Variants in ZCCHC2 observed in about 807,000 individuals in gnomAD.
ZCCHC2 encodes the protein zinc finger CCHC-type containing 2, also known as zinc finger CCHC domain-containing protein 2.
Under a neutral mutation model 103.6 loss-of-function variants are expected in ZCCHC2, and 39 were observed. That is an observed-to-expected ratio of 0.38 (90% CI 0.29 to 0.49). The LOEUF is 0.49. Among genes scored for constraint, ZCCHC2 ranks in the 20% least tolerant of loss-of-function variants. The pLI, the probability that ZCCHC2 is intolerant of heterozygous loss-of-function variation, is 0.96. For synonymous variants in ZCCHC2, 687 were observed against 608.9 expected (o/e 1.13, Z -1.89); for missense variants, 1,483 against 1,491.0 (o/e 0.99, Z 0.09).
At chr18:62,546,770 A>G (rs1401031123) in intron 4 of ZCCHC2, among the ~76,000 whole-genome samples, 5 of 152,128 alleles carry the variant, frequency 3.3e-5, no homozygotes, top group African/African-American at 1.2e-4. Flanking sequence ...TCAGTCGCCC[A>G]TTTTTTCGAA....
chr18:62,552,424 A>C (rs1426885318), intron 5 of ZCCHC2: 1 of 152,242 alleles, frequency 6.6e-6, no homozygotes, highest in Non-Finnish European at 1.5e-5. Flanking sequence ...TATTGATTGT[A>C]GGAGAACATA....
chr18:62,556,446 C>T (rs1915888103), intron 6 of ZCCHC2, 149 bp downstream of exon 6: 1 of 642,498 alleles, frequency 1.6e-6, no homozygotes. Context: ...AGTTTTTACA[C>T]TGCAGTTTTA....
downstream of ZCCHC2, chr18:62,581,933 T>C: frequency 1.3e-5 from 2 of 159,706 alleles, no homozygotes; most frequent in South Asian, 1.5e-4. Flanking sequence ...TCTTTGCATC[T>C]AGAAAGAGCC....
At chr18:62,567,955 A>AAAAAAAAAAAAAAAAAAAG (rs1568555841) in intron 11 of ZCCHC2, among the ~76,000 whole-genome samples, 1 of 150,056 alleles carries the variant, frequency 6.7e-6, no homozygotes, top group African/African-American at 2.5e-5. Context: ...AAAAAAAAAA[A>AAAAAAAAAAAAAAAAAAAG]AAAAGAATGC....
Position 62,563,281 on chromosome 18 carries a change from ACTT to A in ZCCHC2, c.1686+138_1686+140del, listed in dbSNP as rs1239421871. On this transcript the variant is annotated intron_variant, in intron 9 of 13. Coordinates refer to ENST00000269499, the MANE Select transcript of ZCCHC2 (RefSeq NM_017742.6). ...GGAATGTTTAAGTTTTAGACTTTAT[ACTT>A]ATATATGATCTAAGCTCTTCTGAGA... The A allele has an allele frequency of 2.9e-6, 3 of 1,037,792 alleles. No individual in the cohort carries two copies. The African/African-American group carries it at 4.8e-5, about 17-fold the overall frequency. 64.3% of individuals were successfully genotyped at this position (1,037,792 alleles called of 1,614,324 possible).
chr18:62,563,477 T>C (rs1916215223), intron 9 of ZCCHC2, among the ~76,000 whole-genome samples: 4 of 152,108 alleles, frequency 2.6e-5, no homozygotes, highest in Admixed American at 2.6e-4. Context: ...GGCAACATAC[T>C]GAAACCCTGT....
Position 62,556,189 on chromosome 18 carries a change from C to T in ZCCHC2, c.1314-14C>T. Reference sequence around the variant, plus strand: ...TACCTGAAATTAACAAATCTCTTTTCTTTTTATGTGCAGGCAGCTATTTTC... The same window carrying T: ...TACCTGAAATTAACAAATCTCTTTTTTTTTTATGTGCAGGCAGCTATTTTC... On this transcript the variant is annotated splice_polypyrimidine_tract_variant and intron_variant, in intron 5 of 13. Transcript: ENST00000269499. 1 of 1,575,142 alleles carries T rather than the reference C, an allele frequency of 6.3e-7. No homozygotes were observed. Among genetic ancestry groups the T allele is most frequent in the Non-Finnish European group, 8.6e-7 (1 of 1,158,740 alleles).
rs191057925 is a variant in ZCCHC2 at position 62,563,392 on chromosome 18, G to A, written c.1686+248G>A. On this transcript the variant is annotated intron_variant, in intron 9 of 13. Transcript: ENST00000269499. ...TATGACACCTTCCCAGGCGCCATGG[G>A]TCACGCTTCTAATCCCAGCACTTTG... Among the ~76,000 whole-genome samples, 452 of 152,248 alleles carry A rather than the reference G, an allele frequency of 3.0e-3. 1 individual carries two copies. The highest frequency in any genetic ancestry group is 6.8e-3 in the Middle Eastern group (2 of 294).
chr18:62,572,304 G>A (rs562984228), intron 12 of ZCCHC2, among the ~76,000 whole-genome samples: 1 of 152,314 alleles, frequency 6.6e-6, no homozygotes, highest in South Asian at 2.1e-4. Context: ...TCTAGGATAA[G>A]CAGGTGACTC....
intron 11 of ZCCHC2, among the ~76,000 whole-genome samples, chr18:62,566,176 CA>C (rs1916357665): frequency 6.6e-6 from 1 of 152,150 alleles, no homozygotes; most frequent in African/African-American, 2.4e-5. Context: ...ACCCGGGAGG[CA>C]GAGGTTGCAA....
intron 1 of ZCCHC2, among the ~76,000 whole-genome samples, chr18:62,538,722 C>T (rs1448836598): frequency 6.6e-6 from 1 of 152,072 alleles, no homozygotes; most frequent in Non-Finnish European, 1.5e-5. Flanking sequence ...ATAAACAGAG[C>T]AATTCATACT....
intron 1 of ZCCHC2, among the ~76,000 whole-genome samples, chr18:62,531,071 T>A (rs1167576417): frequency 6.6e-6 from 1 of 152,062 alleles, no homozygotes; most frequent in Non-Finnish European, 1.5e-5. Flanking sequence ...TTTTTTTTTT[T>A]AAAGGGAAGC....
At position 62,524,365 on chromosome 18, in the gene ZCCHC2, T is replaced by C. The variant is rs1426397399; in HGVS notation, c.939+2T>C. The stretch of plus-strand genomic sequence containing the variant: ...AAGTTTGCCGGCCCCAGGGCCCAGG[T>C]AAGGCGCACGGAGCCTCCCTGGACT... On this transcript the variant is annotated splice_donor_variant, in intron 1 of 13. Transcript: ENST00000269499. LOFTEE classifies it high-confidence loss of function. 1 of 1,508,570 alleles carries C rather than the reference T, an allele frequency of 6.6e-7. No homozygotes were observed. The highest frequency in any genetic ancestry group is 2.2e-5 in the Admixed American group (1 of 46,100). The allele number at this position is 1,508,570 out of a possible 1,614,324, so 93.4% of individuals were successfully genotyped here. A position where few individuals can be genotyped will look rare whatever the true frequency, so the allele number is the denominator to read the frequency against.
chr18:62,524,574 C>A, intron 1 of ZCCHC2: 2 of 663,050 alleles, frequency 3.0e-6, no homozygotes, highest in Non-Finnish European at 2.3e-6. Flanking sequence ...CCCCGGCAGA[C>A]ACAGCCACCC....
At chr18:62,563,381 A>G (rs1916209460) in intron 9 of ZCCHC2, among the ~76,000 whole-genome samples, 1 of 152,164 alleles carries the variant, frequency 6.6e-6, no homozygotes, top group African/African-American at 2.4e-5. Context: ...ACACCTTCCC[A>G]GGCGCCATGG....
At chr18:62,549,769 A>G (rs961185424) in intron 4 of ZCCHC2, among the ~76,000 whole-genome samples, 3 of 152,222 alleles carry the variant, frequency 2.0e-5, no homozygotes. Flanking sequence ...CCTCAATCAC[A>G]TGAGGCACCT....
chr18:62,524,143 G>A lies in ZCCHC2; in HGVS notation c.719G>A (p.Gly240Asp), dbSNP rs921616777. ...DAEKDGSGPE[G>D]GIVEPRVGGG... is the part of the protein sequence containing the mutation. Reference sequence around the variant, plus strand: ...GAGAAGGACGGCTCAGGCCCGGAAGGCGGCATTGTGGAGCCCCGGGTCGGC... The same window carrying A: ...GAGAAGGACGGCTCAGGCCCGGAAGACGGCATTGTGGAGCCCCGGGTCGGC... Residue 240 changes from glycine to aspartate, a missense_variant, in exon 1 of 14, where the codon GGC (glycine) becomes GAC (aspartate). Transcript: ENST00000269499. 2 of 1,543,714 alleles carry A rather than the reference G, an allele frequency of 1.3e-6. No homozygotes were observed. Among genetic ancestry groups the A allele is most frequent in the African/African-American group, 2.8e-5 (2 of 72,300 alleles).
intron 1 of ZCCHC2, 188 bp downstream of exon 1, chr18:62,524,551 A>T (rs986761683): frequency 1.3e-6 from 1 of 796,834 alleles, no homozygotes; most frequent in East Asian, 3.4e-5. Flanking sequence ...CCACTCCCCC[A>T]CCCCACCCCA....
Position 62,574,944 on chromosome 18 carries a change from G to C in ZCCHC2, c.2863G>C (p.Ala955Pro). The C allele has an allele frequency of 6.2e-7, 1 of 1,613,834 alleles. No individual in the cohort carries two copies. Among genetic ancestry groups the C allele is most frequent in the Non-Finnish European group, 8.5e-7 (1 of 1,179,888 alleles). ...GAGCGCAGGTATCAGCCAGGCCCAG[G>C]CAACTGTTCCTCCTGCAGTTCCTAC... is the stretch of plus-strand genomic sequence containing the variant. ...PASAGISQAQ[A>P]TVPPAVPTHT... Residue 955 changes from alanine to proline, a missense_variant, in exon 13 of 14, where the codon GCA becomes CCA. By Grantham distance (27) the Ala-to-Pro change is conservative (BLOSUM62 -1). Around this residue, in one of 3 missense-constraint regions of ZCCHC2, gnomAD observed 884 missense variants for 907.5 expected, o/e 0.97. Transcript: ENST00000269499.
Sources: allele counts gnomAD v4.1 joint callset (sites outside exome capture counted in the v4.1 genomes callset), GRCh38; gene constraint gnomAD v4.1.1; regional missense constraint gnomAD v4.1.1; transcripts MANE v1.5; gene names NCBI Gene and HGNC (gene_info 2026-07-23, HGNC 2026-07-21).